The following TET2 variants were observed in gnomAD, a reference collection of about 807,000 sequenced individuals.
The protein encoded by TET2 is tet methylcytosine dioxygenase 2.
TET2 carries 299 observed loss-of-function variants against 142.9 expected under a neutral mutation model. The ratio of observed to expected loss-of-function variants is 2.09; its 90% CI spans 1.90 to 2.30. The LOEUF (loss-of-function observed/expected upper bound fraction) is 2.30, where lower values mean the gene tolerates loss of function less well. Ranked by LOEUF, TET2 falls within the 30% of genes most tolerant of loss-of-function variation. The probability of loss-of-function intolerance (pLI) is 0.00; values close to 1 mark genes in which losing one functional copy is unlikely to be tolerated. For synonymous variants in TET2, 819 were observed against 849.0 expected (o/e 0.96, Z 0.61); for missense variants, 2,418 against 2,378.0 (o/e 1.02, Z -0.35).
chr4:105,213,994 G>A (rs1252485470), intron 2 of TET2, among the ~76,000 whole-genome samples: 1 of 152,096 alleles, frequency 6.6e-6, no homozygotes, highest in Non-Finnish European at 1.5e-5. Flanking sequence ...GAGTAGCTGG[G>A]ACTATACCAC....
intron 1 of TET2, among the ~76,000 whole-genome samples, chr4:105,170,484 G>A (rs1724402807): frequency 6.6e-6 from 1 of 152,114 alleles, no homozygotes; most frequent in Admixed American, 6.5e-5. Context: ...TCAACACAGT[G>A]AGAACCCATC....
At chr4:105,241,560 G>C in intron 4 of TET2, 131 bp downstream of exon 4, 1 of 1,449,072 alleles carries the variant, frequency 6.9e-7, no homozygotes, top group South Asian at 1.6e-5. Flanking sequence ...AGCTATTCTA[G>C]GGTTGCCAAC....
At chr4:105,193,797 G>A (rs2110490301) in intron 2 of TET2, among the ~76,000 whole-genome samples, 1 of 152,252 alleles carries the variant, frequency 6.6e-6, no homozygotes, top group South Asian at 2.1e-4. Context: ...ATATTCTTAA[G>A]GCAACTAAAG....
intron 2 of TET2, among the ~76,000 whole-genome samples, chr4:105,208,361 A>T (rs560768467): frequency 6.3e-4 from 96 of 152,110 alleles, no homozygotes; most frequent in Non-Finnish European, 1.2e-3. Context: ...TCATTTGTAA[A>T]CAACCCAAAT....
intron 2 of TET2, among the ~76,000 whole-genome samples, chr4:105,220,802 C>T (rs1347279276): frequency 6.6e-6 from 1 of 152,148 alleles, no homozygotes; most frequent in Admixed American, 6.6e-5. Context: ...AGAGATCTGT[C>T]CTTATTTCTT....
chr4:105,153,605 C>T (rs958100815), intron 1 of TET2, among the ~76,000 whole-genome samples: 1 of 152,120 alleles, frequency 6.6e-6, no homozygotes, highest in Non-Finnish European at 1.5e-5. Context: ...ATTCTTATCC[C>T]TATTTATGAG....
chr4:105,242,672 A>G, intron 4 of TET2, 162 bp from the exon 5 acceptor site: 1 of 1,379,156 alleles, frequency 7.3e-7, no homozygotes, highest in Non-Finnish European at 9.4e-7. Context: ...AAAAACCATT[A>G]TCCAGTTTGC....
At chr4:105,154,258 A>T (rs1723454507) in intron 1 of TET2, among the ~76,000 whole-genome samples, 1 of 152,256 alleles carries the variant, frequency 6.6e-6, no homozygotes, top group African/African-American at 2.4e-5. Context: ...TATATGCTTT[A>T]AAAGGATGAA....
intron 2 of TET2, among the ~76,000 whole-genome samples, chr4:105,213,953 G>T (rs145420543): frequency 1.3e-5 from 2 of 151,990 alleles, no homozygotes; most frequent in Admixed American, 1.3e-4. Context: ...TCTGCTGCTG[G>T]GTTCAAGTGA....
intron 3 of TET2, chr4:105,241,027 A>G: frequency 9.4e-7 from 1 of 1,067,508 alleles, no homozygotes; most frequent in Non-Finnish European, 1.2e-6. Context: ...TGTAGTTGAT[A>G]CTACATATAA....
Position 105,242,920 on chromosome 4 carries a change from CTAAGTGGG to C in TET2, c.3594_3594+7del. 1 of 1,550,718 alleles carries C rather than the reference CTAAGTGGG, an allele frequency of 6.4e-7. No individual in the cohort carries two copies. Among genetic ancestry groups the C allele is most frequent in the Non-Finnish European group, 8.7e-7 (1 of 1,146,262 alleles). The stretch of plus-strand genomic sequence containing the variant: ...AAAAGTTCTCAGGGATGTCCTATTG[CTAAGTGGG>C]TAAGTGTGACTTGATAAAGCCTTTG... On this transcript the variant is annotated splice_donor_variant and coding_sequence_variant, in exon 5 of 11. Coordinates refer to ENST00000380013, the MANE Select transcript of TET2 (RefSeq NM_001127208.3). LOFTEE classifies it high-confidence loss of function.
chr4:105,243,501 CT>C, intron 5 of TET2, 68 bp from the exon 6 acceptor site: 1 of 1,394,638 alleles, frequency 7.2e-7, no homozygotes, highest in Non-Finnish European at 9.9e-7. Flanking sequence ...CCCTTATCTG[CT>C]GCAAGTGACC....
At chr4:105,156,747 AG>A (rs1463660921) in intron 1 of TET2, among the ~76,000 whole-genome samples, 1 of 152,224 alleles carries the variant, frequency 6.6e-6, no homozygotes, top group Non-Finnish European at 1.5e-5. Flanking sequence ...TGCACTAAGA[AG>A]GGCACCCATT....
At chr4:105,161,154 T>G (rs1723838252) in intron 1 of TET2, among the ~76,000 whole-genome samples, 1 of 152,228 alleles carries the variant, frequency 6.6e-6, no homozygotes, top group Non-Finnish European at 1.5e-5. Context: ...AACTCAGGTT[T>G]TAGCCATTTA....
intron 6 of TET2, among the ~76,000 whole-genome samples, chr4:105,253,162 C>T (rs1166620764): frequency 6.6e-6 from 1 of 152,092 alleles, no homozygotes; most frequent in Non-Finnish European, 1.5e-5. Flanking sequence ...GCTATATATA[C>T]AGTCATTTAT....
chr4:105,158,411 A>G (rs1007529695), intron 1 of TET2, among the ~76,000 whole-genome samples: 3 of 152,226 alleles, frequency 2.0e-5, no homozygotes, highest in South Asian at 2.1e-4. Flanking sequence ...TCTGTTCACA[A>G]ACCCATTGTA....
chr4:105,275,372 T>C lies in TET2; in HGVS notation c.4862T>C (p.Leu1621Pro). The C allele has an allele frequency of 1.3e-6, 2 of 1,551,704 alleles. No individual in the cohort carries two copies. The highest frequency in any genetic ancestry group is 1.4e-5 in the African/African-American group (1 of 73,178). The change falls in exon 11 of 11, where the codon CTT (leucine) becomes CCT (proline). Residue 1621 changes from leucine (L) to proline (P), a missense_variant. By Grantham distance (98) the Leu-to-Pro change is moderately conservative. Coordinates refer to ENST00000380013, the MANE Select transcript of TET2 (RefSeq NM_001127208.3). ...AATCCCATGAACCCTTACCCTGGGC[T>C]TTTGAATCAGAATACCCAATATCCA... ...SSNPMNPYPG[L>P]LNQNTQYPSY...
chr4:105,154,558 G>A (rs371592270), intron 1 of TET2, among the ~76,000 whole-genome samples: 9 of 152,298 alleles, frequency 5.9e-5, no homozygotes, highest in African/African-American at 2.2e-4. Context: ...TCACTCAAAA[G>A]TTGGCATTGT....
Position 105,237,035 on chromosome 4 carries a change from T to C in TET2, c.3093T>C (p.His1031=). ...GCATCATTGAGACCATGGAGCAGCATCTGAAGCAGTTTCACGCCAAGTCGT... is the reference window on the plus strand; with the variant it reads ...GCATCATTGAGACCATGGAGCAGCACCTGAAGCAGTTTCACGCCAAGTCGT... ...QKSIIETMEQ[H]LKQFHAKSLF... is the part of the protein sequence containing the mutation. Residue 1031 remains histidine (H), a synonymous_variant, in exon 3 of 11, where the codon CAT becomes CAC. Coordinates refer to ENST00000380013, the MANE Select transcript of TET2 (RefSeq NM_001127208.3). 6.2e-7 allele frequency: 1 copy of C among 1,614,182 alleles called. No homozygotes were observed. Among genetic ancestry groups the C allele is most frequent in the Non-Finnish European group, 8.5e-7 (1 of 1,180,028 alleles).
Sources: allele counts gnomAD v4.1 joint callset (sites outside exome capture counted in the v4.1 genomes callset), GRCh38; gene constraint gnomAD v4.1.1; transcripts MANE v1.5; gene names NCBI Gene and HGNC (gene_info 2026-07-23, HGNC 2026-07-21).